TSPAN8: variants seen among roughly 807,000 people sequenced by gnomAD.
The protein encoded by TSPAN8 is tetraspanin 8, also known as tetraspanin-8.
TSPAN8 carries 21 observed loss-of-function variants against 32.8 expected under a neutral mutation model. The observed-to-expected ratio is 0.64, with a 90% CI of 0.45 to 0.92. TSPAN8 has a LOEUF of 0.92. TSPAN8 is among the 40% of genes least tolerant of loss of function. The pLI is 0.00. For missense variants in TSPAN8, 269 were observed against 281.9 expected, an observed-to-expected ratio of 0.95 and a Z score of 0.33; for synonymous variants, 95 against 94.6, an observed-to-expected ratio of 1.00 and a Z score of -0.03.
At chr12:71,156,985 C>T (rs1219337373) in intron 2 of TSPAN8, 1 of 152,114 alleles carries the variant, frequency 6.6e-6, no homozygotes, top group African/African-American at 2.4e-5. Context: ...AGAAACATAA[C>T]AAATTGCTAA....
At chr12:71,142,114 G>T (rs1172642169) in intron 3 of TSPAN8, among the ~76,000 whole-genome samples, 1 of 152,050 alleles carries the variant, frequency 6.6e-6, no homozygotes, top group Non-Finnish European at 1.5e-5. Context: ...TCAGCTCTTT[G>T]CTCTGTCTTG....
chr12:71,139,301 T>C, intron 4 of TSPAN8: 2 of 460,768 alleles, frequency 4.3e-6, no homozygotes. Flanking sequence ...AAATACCTTA[T>C]TCACTTCTGC....
chr12:71,137,602 C>A (rs1023331036), intron 6 of TSPAN8, among the ~76,000 whole-genome samples: 2 of 70,242 alleles, frequency 2.8e-5, no homozygotes, highest in Admixed American at 1.1e-4. Flanking sequence ...TCTGTCCCCC[C>A]CCAAAAAAAA....
chr12:71,132,143 G>A (rs1023443563), intron 7 of TSPAN8, among the ~76,000 whole-genome samples: 1 of 152,190 alleles, frequency 6.6e-6, no homozygotes, highest in African/African-American at 2.4e-5. Context: ...GACATTAAAT[G>A]TTCAAGGTAA....
rs1166634222 is a variant in TSPAN8 at position 71,138,006 on chromosome 12, T to C, written c.391A>G (p.Thr131Ala). The change falls in exon 6 of 9, where the codon ACA becomes GCA. Residue 131 changes from threonine (T) to alanine (A), a missense_variant. Transcript: ENST00000247829. ...LYENTKLLSA[T>A]GESEKQFQEA... ...TGGAATTGTTTTTCACTTTCCCCTG[T>C]GGCGCTCAAAAGCTTTGTGTTTTCA... 2.5e-6 allele frequency: 4 copies of C among 1,614,076 alleles called. No homozygotes were observed. The South Asian group carries it at 4.4e-5, about 18-fold the overall frequency.
At chr12:71,126,835 G>A (rs1418334621) in intron 8 of TSPAN8, among the ~76,000 whole-genome samples, 2 of 151,920 alleles carry the variant, frequency 1.3e-5, no homozygotes, top group East Asian at 3.9e-4. Context: ...GTCAAATGAG[G>A]AGAGTATGAT....
chr12:71,156,250 C>CAAAAAAA lies in TSPAN8; in HGVS notation c.60+1362_60+1368dup, dbSNP rs763217771. On this transcript the variant is annotated intron_variant, in intron 2 of 8. Transcript: ENST00000247829. ...TCTTTAGTGAATATTCAAAGTTCTC[C>CAAAAAAA]AAAAAAAAAAAAAAAAAACAAACAA... Among the ~76,000 whole-genome samples, 72 of 24,324 alleles carry CAAAAAAA rather than the reference C, an allele frequency of 3.0e-3. 1 individual carries two copies. Among genetic ancestry groups the CAAAAAAA allele is most frequent in the African/African-American group, 0.014 (62 of 4,276 alleles). 16.0% of individuals were successfully genotyped at this position (24,324 alleles called of 152,430 possible).
At chr12:71,142,552 T>G (rs1022888933) in intron 3 of TSPAN8, among the ~76,000 whole-genome samples, 16 of 152,170 alleles carry the variant, frequency 1.1e-4, no homozygotes, top group African/African-American at 3.6e-4. Context: ...GACTTCAGAT[T>G]CTACAGGATG....
intron 6 of TSPAN8, among the ~76,000 whole-genome samples, chr12:71,134,272 G>T (rs918205583): frequency 6.6e-6 from 1 of 152,060 alleles, no homozygotes; most frequent in African/African-American, 2.4e-5. Context: ...TGTTGGTGTT[G>T]TTTCTGTCAT....
At chr12:71,149,956 G>C (rs1872196132) in intron 2 of TSPAN8, among the ~76,000 whole-genome samples, 1 of 152,294 alleles carries the variant, frequency 6.6e-6, no homozygotes, top group Non-Finnish European at 1.5e-5. Flanking sequence ...AAGTAGGGAA[G>C]ATATTGCTAA....
intron 3 of TSPAN8, among the ~76,000 whole-genome samples, chr12:71,142,989 T>C (rs1403808791): frequency 6.6e-6 from 1 of 152,178 alleles, no homozygotes; most frequent in Non-Finnish European, 1.5e-5. Flanking sequence ...AGCTGCACCA[T>C]GGTGAAATAC....
chr12:71,131,913 TCTTCCTTA>T (rs1372012877), intron 7 of TSPAN8, among the ~76,000 whole-genome samples: 2 of 151,956 alleles, frequency 1.3e-5, no homozygotes, highest in Non-Finnish European at 2.9e-5. Flanking sequence ...TATCTTTCTC[TCTTCCTTA>T]CTTGAGCATC....
At chr12:71,135,206 TGAGGAGGAGGAGGAGGAAGAAGAAGGAG>T (rs1179084002) in intron 6 of TSPAN8, among the ~76,000 whole-genome samples, 1 of 118,192 alleles carries the variant, frequency 8.5e-6, no homozygotes, top group African/African-American at 3.1e-5. Context: ...AGGATAAGGA[TGAGGAGGAGGAGGAGGAAGAAGAAGGAG>T]GAGGAGGAGG....
chr12:71,134,408 G>GTCAAATT (rs1161927644), intron 6 of TSPAN8, among the ~76,000 whole-genome samples: 1 of 152,190 alleles, frequency 6.6e-6, no homozygotes, highest in African/African-American at 2.4e-5. Context: ...GGAGATCAGA[G>GTCAAATT]TCAAATTTCA....
rs767112082 is a variant in TSPAN8, at chr12:71,132,785, C to T, written c.484G>A (p.Gly162Arg). 2.0e-5 allele frequency: 32 copies of T among 1,613,778 alleles called. No individual in the cohort carries two copies. In the Admixed American group the frequency reaches 5.3e-4, roughly 27 times the overall value. The stretch of plus-strand genomic sequence containing the variant: ...TCAGGATAGTGTTGAAAATTATTTC[C>T]CCAATCAGCAGCTCCATTGACCAAA... The part of the protein sequence containing the change: ...CGLVNGAADW[G>R]NNFQHYPELC... The change falls in exon 7 of 9, where the codon GGA (glycine) becomes AGA (arginine). Residue 162 changes from glycine to arginine, a missense_variant. Coordinates refer to ENST00000247829, the MANE Select transcript of TSPAN8 (RefSeq NM_004616.3).
chr12:71,128,137 G>A (rs1238397784), intron 8 of TSPAN8, among the ~76,000 whole-genome samples: 1 of 152,128 alleles, frequency 6.6e-6, no homozygotes, highest in Admixed American at 6.5e-5. Context: ...CAGACCTAAA[G>A]AAAGACAGCC....
intron 2 of TSPAN8, among the ~76,000 whole-genome samples, chr12:71,146,015 T>C (rs550087535): frequency 3.3e-5 from 5 of 152,326 alleles, no homozygotes; most frequent in African/African-American, 1.2e-4. Context: ...TCAAGGTATT[T>C]AGATATCAGA....
intron 8 of TSPAN8, among the ~76,000 whole-genome samples, chr12:71,127,312 C>G (rs764679661): frequency 1.3e-5 from 2 of 151,474 alleles, no homozygotes; most frequent in South Asian, 4.2e-4. Context: ...AATTTATAGA[C>G]TGGGTGTCAG....
At chr12:71,144,564 A>G (rs2137056256) in intron 2 of TSPAN8, among the ~76,000 whole-genome samples, 1 of 152,314 alleles carries the variant, frequency 6.6e-6, no homozygotes, top group East Asian at 1.9e-4. Context: ...TAAAGATAAA[A>G]TATCCTTATC....
Sources: gnomAD v4.1 joint callset for allele counts (sites outside exome capture counted in the v4.1 genomes callset) on GRCh38, gnomAD v4.1.1 for gene constraint, MANE v1.5 for transcripts, NCBI Gene and HGNC (gene_info 2026-07-23, HGNC 2026-07-21) for gene names.